SYNJ2: variants seen among roughly 807,000 people sequenced by gnomAD.
The protein encoded by SYNJ2 is polyphosphatidylinositol phosphatase SYNJ2.
Under a neutral mutation model 141.3 loss-of-function variants are expected in SYNJ2, and 116 were observed. The ratio of observed to expected loss-of-function variants is 0.82; its 90% CI spans 0.71 to 0.96. The LOEUF (loss-of-function observed/expected upper bound fraction) is 0.96. Among genes scored for constraint, SYNJ2 ranks in the 40% least tolerant of loss-of-function variants. The pLI, the probability that SYNJ2 is intolerant of heterozygous loss-of-function variation, is 0.00. For synonymous variants in SYNJ2, 745 were observed against 777.7 expected (o/e 0.96, Z 0.70); for missense variants, 1,873 against 1,934.8 (o/e 0.97, Z 0.60).
intron 1 of SYNJ2, among the ~76,000 whole-genome samples, chr6:158,015,184 G>A (rs1417409599): frequency 6.6e-6 from 1 of 152,180 alleles, no homozygotes; most frequent in East Asian, 1.9e-4. Flanking sequence ...CTGCTCTGAG[G>A]GCTTGGTATG....
chr6:158,028,406 G>A (rs1276039910), intron 2 of SYNJ2: 1 of 285,622 alleles, frequency 3.5e-6, no homozygotes, highest in East Asian at 7.9e-5. Flanking sequence ...AGGGCTCTAG[G>A]CCAGGAATTT....
intron 6 of SYNJ2, 75 bp from the exon 7 acceptor site, chr6:158,059,182 C>A: frequency 2.1e-6 from 3 of 1,402,680 alleles, no homozygotes; most frequent in Non-Finnish European, 1.9e-6. Flanking sequence ...CCCGTCTTCC[C>A]TTGAGGGGCA....
rs141045018 is a variant in SYNJ2, at chr6:158,020,006, C to T, written c.214+2716C>T. 4.9e-3 allele frequency among the ~76,000 whole-genome samples: 737 copies of T among 151,944 alleles called. 7 individuals are homozygous for T. Among genetic ancestry groups the T allele is most frequent in the African/African-American group, 0.016 (652 of 41,314 alleles). ...CAGCTGTTGAGCATGTTGGGCAGCA[C>T]GGAGTGTAGCTACAACTGTGTGACC... On this transcript the variant is annotated intron_variant, in intron 2 of 26. Transcript: ENST00000355585.
chr6:158,070,031 C>A lies in SYNJ2; in HGVS notation c.1940+358C>A. 1.6e-6 allele frequency: 1 copy of A among 644,806 alleles called. No homozygotes were observed. Among genetic ancestry groups the A allele is most frequent in the Non-Finnish European group, 1.9e-6 (1 of 512,854 alleles). The allele number at this position is 644,806 out of a possible 1,614,324, so 39.9% of individuals were successfully genotyped here. On this transcript the variant is annotated intron_variant, in intron 14 of 26. Transcript: ENST00000355585. This position sits in a 1 kb window ranked among gnomAD's most constrained non-coding sequence, Gnocchi z 4.0. ...TGAGTAACTCACTGGGAAATGCCAACTCTTTTGTCCCTTTTTAAAAGAATT... is the reference window on the plus strand; with the variant it reads ...TGAGTAACTCACTGGGAAATGCCAAATCTTTTGTCCCTTTTTAAAAGAATT...
chr6:158,006,943 G>A (rs533489011), intron 1 of SYNJ2, among the ~76,000 whole-genome samples: 22 of 152,118 alleles, frequency 1.4e-4, no homozygotes, highest in South Asian at 1.0e-3. Context: ...CAAAGTGCTG[G>A]GATTACAGGC....
At chr6:157,997,236 C>G (rs1283559834) in intron 1 of SYNJ2, among the ~76,000 whole-genome samples, 1 of 152,150 alleles carries the variant, frequency 6.6e-6, no homozygotes, top group Admixed American at 6.5e-5. Flanking sequence ...GAATTGTGTG[C>G]CCCAGAAAAA....
intron 9 of SYNJ2, among the ~76,000 whole-genome samples, chr6:158,064,289 G>A (rs190370191): frequency 1.8e-3 from 255 of 145,242 alleles, no homozygotes; most frequent in African/African-American, 5.9e-3. Flanking sequence ...GGGGTCGGGG[G>A]TAGGGTCAGC....
intron 2 of SYNJ2, among the ~76,000 whole-genome samples, chr6:158,025,484 T>G (rs1778993073): frequency 6.6e-6 from 1 of 151,992 alleles, no homozygotes; most frequent in Non-Finnish European, 1.5e-5. Flanking sequence ...GAGACCAGCC[T>G]GGCCAACATG....
At chr6:158,081,845 T>C (rs528420031) in intron 20 of SYNJ2, among the ~76,000 whole-genome samples, 46 of 151,990 alleles carry the variant, frequency 3.0e-4, no homozygotes, top group African/African-American at 9.9e-4. Flanking sequence ...CTGGAGTGCA[T>C]TGGGACAGTT....
chr6:158,063,172 G>A (rs889894026), intron 8 of SYNJ2, among the ~76,000 whole-genome samples: 2 of 152,180 alleles, frequency 1.3e-5, no homozygotes, highest in African/African-American at 4.8e-5. Context: ...ATGGTTCTGT[G>A]TTCATGTCCA....
intron 1 of SYNJ2, among the ~76,000 whole-genome samples, chr6:158,016,109 CA>C (rs1778443618): frequency 6.6e-6 from 1 of 152,172 alleles, no homozygotes; most frequent in Non-Finnish European, 1.5e-5. Flanking sequence ...CTGGACGTTT[CA>C]TAGAAATGGA....
intron 1 of SYNJ2, among the ~76,000 whole-genome samples, chr6:157,991,923 G>A (rs1777441118): frequency 7.0e-6 from 1 of 142,680 alleles, no homozygotes; most frequent in South Asian, 2.3e-4. Flanking sequence ...TTAAAATATG[G>A]ACTGTGCTGA....
At chr6:158,032,537 G>A (rs1233911123) in intron 3 of SYNJ2, among the ~76,000 whole-genome samples, 1 of 152,194 alleles carries the variant, frequency 6.6e-6, no homozygotes, top group Non-Finnish European at 1.5e-5. Flanking sequence ...AGAACTACGT[G>A]GTCGTTCGCA....
intron 18 of SYNJ2, 45 bp downstream of exon 18, chr6:158,078,326 G>A (rs367751547): frequency 3.7e-5 from 50 of 1,339,648 alleles, no homozygotes; most frequent in Non-Finnish European, 5.2e-5. Flanking sequence ...GCTGGGCAAG[G>A]CAGCGTCTCC....
chr6:158,093,946 A>G, intron 26 of SYNJ2: 1 of 765,210 alleles, frequency 1.3e-6, no homozygotes, highest in Non-Finnish European at 2.4e-6. Flanking sequence ...CAAAGACATG[A>G]GTTTGTAAGG....
At chr6:158,089,266 G>A (rs945982702) in intron 24 of SYNJ2, among the ~76,000 whole-genome samples, 6 of 152,090 alleles carry the variant, frequency 3.9e-5, no homozygotes, top group Admixed American at 1.3e-4. Context: ...GAGCTGCTGG[G>A]GAAGAGAGCA....
In SYNJ2 at chr6:157,982,105, G is replaced by T; in HGVS notation, c.127+17G>T. ...CCACGCTGGGTGAGTCCGGGCCGGG[G>T]GCAGCGACGCCCGGAGGAGAGGGCG... On this transcript the variant is annotated intron_variant, in intron 1 of 26. Coordinates refer to ENST00000355585, the MANE Select transcript of SYNJ2 (RefSeq NM_003898.4). The surrounding 1 kb of genome is among the most constrained non-coding windows in gnomAD (Gnocchi z 4.0). 1.5e-6 allele frequency: 2 copies of T among 1,308,942 alleles called. No individual in the cohort carries two copies. Among genetic ancestry groups the T allele is most frequent in the Non-Finnish European group, 1.9e-6 (2 of 1,029,234 alleles). The allele number at this position is 1,308,942 out of a possible 1,614,324, so 81.1% of individuals were successfully genotyped here.
rs1781731878 is a variant in SYNJ2, at chr6:158,068,861, G to T, written c.1799+133G>T. ...TAAGCTGTGGCCCTGGCTGTGTGGG[G>T]ATCTCTCACCTGGCTCCTTCTCTAT... is the stretch of plus-strand genomic sequence containing the variant. On this transcript the variant is annotated intron_variant, in intron 13 of 26. Coordinates refer to ENST00000355585, the MANE Select transcript of SYNJ2 (RefSeq NM_003898.4). 9 of 902,886 alleles carry T rather than the reference G, an allele frequency of 1.0e-5. No homozygotes were observed. The South Asian group carries it at 1.3e-4, about 13-fold the overall frequency. The allele number at this position is 902,886 out of a possible 1,614,324, so 55.9% of individuals were successfully genotyped here. A position where few individuals can be genotyped will look rare whatever the true frequency, so the allele number is the denominator to read the frequency against.
chr6:158,080,606 G>A (rs1885545), intron 18 of SYNJ2, among the ~76,000 whole-genome samples: 81,491 of 151,292 alleles, frequency 0.54, 22,326 homozygotes, highest in African/African-American at 0.64. Context: ...AATAAAGTCC[G>A]AGAAGTGAGA....
Sources: allele counts gnomAD v4.1 joint callset (sites outside exome capture counted in the v4.1 genomes callset), GRCh38; gene constraint gnomAD v4.1.1; non-coding constraint Gnocchi (gnomAD v3.1); transcripts MANE v1.5; gene names NCBI Gene and HGNC (gene_info 2026-07-23, HGNC 2026-07-21).